The following ZNF804B variants were observed in gnomAD, a reference collection of about 807,000 sequenced individuals.
ZNF804B encodes zinc finger protein 804B, also known as zinc finger 804B.
In ZNF804B, 80 loss-of-function variants were observed where a neutral mutation model predicts 101.4. That is an observed-to-expected ratio of 0.79 (90% CI 0.66 to 0.95). ZNF804B has a LOEUF of 0.95. Ranked by LOEUF, ZNF804B falls within the 40% of genes least tolerant of loss-of-function variation. The pLI is 0.00. For synonymous variants in ZNF804B, 622 were observed against 558.8 expected (o/e 1.11, Z -1.59); for missense variants, 1,673 against 1,561.9 (o/e 1.07, Z -1.20).
At chr7:89,238,335 A>T (rs1789315384) in intron 2 of ZNF804B, among the ~76,000 whole-genome samples, 1 of 152,192 alleles carries the variant, frequency 6.6e-6, no homozygotes. Flanking sequence ...CATCATCCCT[A>T]AATTCATGAA....
chr7:88,771,416 G>C lies in ZNF804B; in HGVS notation c.108+11332G>C, dbSNP rs373418900. ...TATGTGTACAGCTTTTTGATGCCAC[G>C]AATGTGAACAGAGAACAGTATAGGC... is the stretch of plus-strand genomic sequence containing the variant. On this transcript the variant is annotated intron_variant, in intron 1 of 3. Coordinates refer to ENST00000333190, the MANE Select transcript of ZNF804B (RefSeq NM_181646.5). Among the ~76,000 whole-genome samples, 6 of 151,918 alleles carry C rather than the reference G, an allele frequency of 3.9e-5. No homozygotes were observed. In the South Asian group the frequency reaches 1.0e-3, roughly 26 times the overall value.
chr7:88,783,073 A>T (rs556697778), intron 1 of ZNF804B, among the ~76,000 whole-genome samples: 13 of 152,320 alleles, frequency 8.5e-5, no homozygotes, highest in African/African-American at 2.9e-4. Context: ...CATCTCATTA[A>T]AAGGTAATAT....
intron 2 of ZNF804B, among the ~76,000 whole-genome samples, chr7:89,298,421 A>T (rs1156580876): frequency 6.7e-6 from 1 of 148,900 alleles, no homozygotes; most frequent in African/African-American, 2.5e-5. Context: ...CTGGTGTGTG[A>T]TGTTCCCTCT....
chr7:88,838,771 G>A (rs1486549641), intron 1 of ZNF804B, among the ~76,000 whole-genome samples: 1 of 151,822 alleles, frequency 6.6e-6, no homozygotes, highest in Non-Finnish European at 1.5e-5. Flanking sequence ...AATCTATCTT[G>A]TAAAGAACTT....
intron 1 of ZNF804B, among the ~76,000 whole-genome samples, chr7:89,056,844 C>T (rs1272463961): frequency 2.0e-5 from 3 of 152,094 alleles, no homozygotes; most frequent in Non-Finnish European, 4.4e-5. Flanking sequence ...TGGGTTGCAA[C>T]AGAGGAAGAG....
At chr7:89,002,373 C>T (rs1788303362) in intron 1 of ZNF804B, among the ~76,000 whole-genome samples, 1 of 151,654 alleles carries the variant, frequency 6.6e-6, no homozygotes, top group Non-Finnish European at 1.5e-5. Flanking sequence ...TCCTTTAAAC[C>T]TCATATATTT....
At chr7:89,298,205 T>TGTATATATATCTATATA (rs1430259905) in intron 2 of ZNF804B, among the ~76,000 whole-genome samples, 9 of 68,652 alleles carry the variant, frequency 1.3e-4, no homozygotes, top group African/African-American at 6.0e-4. Flanking sequence ...CTATATAGTG[T>TGTATATATATCTATATA]GTGTGTGTGT....
In ZNF804B at chr7:89,314,328, A is replaced by G. The variant is rs801819; in HGVS notation, c.250-13016A>G. Among the ~76,000 whole-genome samples, 853 of 152,292 alleles carry G rather than the reference A, an allele frequency of 5.6e-3. 8 individuals are homozygous for G. The highest frequency in any genetic ancestry group is 0.019 in the African/African-American group (806 of 41,568). On this transcript the variant is annotated intron_variant, in intron 2 of 3. Coordinates refer to ENST00000333190, the MANE Select transcript of ZNF804B (RefSeq NM_181646.5). ...TCAAATCTAAAGTGTGGCAAGGTAG[A>G]AGTATGCCCAACATACTTCCTTTTT... is the stretch of plus-strand genomic sequence containing the variant.
intron 1 of ZNF804B, among the ~76,000 whole-genome samples, chr7:88,928,220 A>G (rs1792834838): frequency 6.6e-6 from 1 of 152,090 alleles, no homozygotes; most frequent in African/African-American, 2.4e-5. Flanking sequence ...TTCTCTTTAG[A>G]GCAGGACCTC....
intron 1 of ZNF804B, among the ~76,000 whole-genome samples, chr7:88,871,585 A>G (rs1791823603): frequency 6.6e-6 from 1 of 152,186 alleles, no homozygotes; most frequent in African/African-American, 2.4e-5. Context: ...TATTATAAAG[A>G]AACAAACATA....
intron 1 of ZNF804B, among the ~76,000 whole-genome samples, chr7:88,853,820 G>C (rs2115834145): frequency 6.6e-6 from 1 of 152,166 alleles, no homozygotes; most frequent in East Asian, 1.9e-4. Flanking sequence ...AAGATGGTAT[G>C]ACCTTCTTGA....
Position 89,335,240 on chromosome 7 carries a change from A to G in ZNF804B, c.2258A>G (p.His753Arg). The G allele has an allele frequency of 3.7e-6, 6 of 1,613,882 alleles. No homozygotes were observed. The highest frequency in any genetic ancestry group is 5.1e-6 in the Non-Finnish European group (6 of 1,179,942). ...HKREHHSVER[H>R]KRKCLKHNCF... is the part of the protein sequence containing the mutation. ...AGAGAACACCACTCAGTTGAAAGGCACAAACGGAAATGTCTAAAGCACAAC... is the reference window on the plus strand; with the variant it reads ...AGAGAACACCACTCAGTTGAAAGGCGCAAACGGAAATGTCTAAAGCACAAC... The change falls in exon 4 of 4, where the codon CAC (histidine) becomes CGC (arginine). Residue 753 changes from histidine to arginine, a missense_variant. By Grantham distance (29) the His-to-Arg change is conservative. Transcript: ENST00000333190.
At chr7:89,124,402 T>C (rs1790449561) in intron 1 of ZNF804B, among the ~76,000 whole-genome samples, 1 of 152,016 alleles carries the variant, frequency 6.6e-6, no homozygotes, top group Non-Finnish European at 1.5e-5. Context: ...GATCCATGAG[T>C]GAAAGCATAT....
intron 2 of ZNF804B, among the ~76,000 whole-genome samples, chr7:89,232,741 C>T (rs76720058): frequency 0.036 from 5,424 of 151,902 alleles, 302 homozygotes; most frequent in African/African-American, 0.12. Context: ...GCTTTGGTGA[C>T]GCCTGTCTTC....
chr7:89,121,435 T>A (rs910507738), intron 1 of ZNF804B, among the ~76,000 whole-genome samples: 1 of 152,014 alleles, frequency 6.6e-6, no homozygotes, highest in African/African-American at 2.4e-5. Flanking sequence ...AGCCATGGAA[T>A]AAAATAAATG....
chr7:89,288,137 A>G (rs560195827), intron 2 of ZNF804B, among the ~76,000 whole-genome samples: 1 of 152,250 alleles, frequency 6.6e-6, no homozygotes, highest in East Asian at 1.9e-4. Context: ...TATGAGTAAA[A>G]TCTATGTATG....
rs1791016162 is a variant in ZNF804B at position 89,333,396 on chromosome 7, C to A, written c.414C>A (p.Pro138=). 1 of 1,610,894 alleles carries A rather than the reference C, an allele frequency of 6.2e-7. No homozygotes were observed. Among genetic ancestry groups the A allele is most frequent in the Admixed American group, 1.7e-5 (1 of 59,508 alleles). ...VSGNGPAYKA[P]RVAIEKQLQQ... Reference sequence around the variant, plus strand: ...GAAATGGACCAGCATACAAAGCCCCCAGGGTAGCCATAGAAAAGCAACTCC... The same window carrying A: ...GAAATGGACCAGCATACAAAGCCCCAAGGGTAGCCATAGAAAAGCAACTCC... Residue 138 remains proline (P), a synonymous_variant, in exon 4 of 4, where the codon CCC becomes CCA. Transcript: ENST00000333190.
chr7:88,770,490 T>C (rs1416842365), intron 1 of ZNF804B, among the ~76,000 whole-genome samples: 2 of 152,164 alleles, frequency 1.3e-5, no homozygotes, highest in African/African-American at 2.4e-5. Context: ...CTTACTAACA[T>C]GTTGATTTGT....
At chr7:89,218,419 T>TC in intron 2 of ZNF804B, 124 bp downstream of exon 2, 2 of 1,179,218 alleles carry the variant, frequency 1.7e-6, no homozygotes, top group South Asian at 1.5e-5. Context: ...ATGTCTTTTT[T>TC]CCCCCCTGGA....
Sources: allele counts gnomAD v4.1 joint callset (sites outside exome capture counted in the v4.1 genomes callset), GRCh38; gene constraint gnomAD v4.1.1; transcripts MANE v1.5; gene names NCBI Gene and HGNC (gene_info 2026-07-23, HGNC 2026-07-21).